Variants in SH3GL2 observed in about 807,000 individuals in gnomAD.
The protein encoded by SH3GL2 is endophilin-A1.
Under a neutral mutation model 46.0 loss-of-function variants are expected in SH3GL2, and 24 were observed. The ratio of observed to expected loss-of-function variants is 0.52; its 90% CI spans 0.38 to 0.73. The LOEUF is 0.73. Among genes scored for constraint, SH3GL2 ranks in the 30% least tolerant of loss-of-function variants. SH3GL2 has a pLI of 0.00. For synonymous variants in SH3GL2, 196 were observed against 147.1 expected, an observed-to-expected ratio of 1.33 and a Z score of -2.40; for missense variants, 413 against 424.2, an observed-to-expected ratio of 0.97 and a Z score of 0.23.
chr9:17,766,942 T>A (rs55946715), intron 3 of SH3GL2, among the ~76,000 whole-genome samples: 41 of 152,216 alleles, frequency 2.7e-4, no homozygotes, highest in African/African-American at 7.7e-4. Flanking sequence ...CTGGATTTTT[T>A]AAAAAAAATT....
intron 3 of SH3GL2, among the ~76,000 whole-genome samples, chr9:17,777,683 A>G (rs1823680857): frequency 6.6e-6 from 1 of 151,970 alleles, no homozygotes; most frequent in Non-Finnish European, 1.5e-5. Context: ...TTCGTGGTGC[A>G]TGTGTGTGGA....
chr9:17,752,409 C>T lies in SH3GL2; in HGVS notation c.114+5275C>T, dbSNP rs1563839628. 3.9e-5 allele frequency among the ~76,000 whole-genome samples: 6 copies of T among 152,202 alleles called. No homozygotes were observed. The South Asian group carries it at 1.2e-3, about 32-fold the overall frequency. ...TGAAAATATTTTAGTTTTTCATATG[C>T]CTTTTTAATATTTCTTTTATGTTAC... On this transcript the variant is annotated intron_variant, in intron 2 of 8. Coordinates refer to ENST00000380607, the MANE Select transcript of SH3GL2 (RefSeq NM_003026.5).
At chr9:17,672,297 A>G (rs1253001295) in intron 1 of SH3GL2, among the ~76,000 whole-genome samples, 1 of 152,184 alleles carries the variant, frequency 6.6e-6, no homozygotes, top group Non-Finnish European at 1.5e-5. Flanking sequence ...AACACACAAT[A>G]TCATATCTGT....
At chr9:17,789,578 A>G in intron 6 of SH3GL2, 28 bp downstream of exon 6, 1 of 1,611,852 alleles carries the variant, frequency 6.2e-7, no homozygotes, top group South Asian at 1.1e-5. Flanking sequence ...TTTTCAATTT[A>G]ATCTTATCAT....
chr9:17,699,245 A>C (rs1216950570), intron 1 of SH3GL2, among the ~76,000 whole-genome samples: 2 of 151,992 alleles, frequency 1.3e-5, no homozygotes, highest in East Asian at 3.9e-4. Context: ...GTATAAAACC[A>C]TGATTGAGTC....
chr9:17,627,118 C>T (rs1199670270), intron 1 of SH3GL2, among the ~76,000 whole-genome samples: 1 of 152,126 alleles, frequency 6.6e-6, no homozygotes, highest in Non-Finnish European at 1.5e-5. Flanking sequence ...TTGGGACTGC[C>T]GGTAAAAACT....
intron 1 of SH3GL2, among the ~76,000 whole-genome samples, chr9:17,693,621 C>G (rs1424571369): frequency 6.6e-6 from 1 of 152,098 alleles, no homozygotes; most frequent in Non-Finnish European, 1.5e-5. Flanking sequence ...CCATTTTATA[C>G]AAGAATCTTT....
At chr9:17,661,182 AAAAC>A (rs763133979) in intron 1 of SH3GL2, among the ~76,000 whole-genome samples, 54 of 152,142 alleles carry the variant, frequency 3.5e-4, no homozygotes, top group Non-Finnish European at 5.9e-5. Context: ...AACAAAAACA[AAAAC>A]AAAATTAATG....
At chr9:17,645,621 T>C (rs1313815500) in intron 1 of SH3GL2, among the ~76,000 whole-genome samples, 1 of 152,174 alleles carries the variant, frequency 6.6e-6, no homozygotes, top group East Asian at 1.9e-4. Flanking sequence ...TATTTCTCCT[T>C]CATTTATGAA....
At chr9:17,731,878 A>G (rs750312036) in intron 1 of SH3GL2, among the ~76,000 whole-genome samples, 1 of 152,104 alleles carries the variant, frequency 6.6e-6, no homozygotes, top group Non-Finnish European at 1.5e-5. Context: ...GGGCTTTTGG[A>G]CATCCTCCTC....
chr9:17,746,597 CT>C (rs1174136624), intron 1 of SH3GL2, among the ~76,000 whole-genome samples: 3 of 152,104 alleles, frequency 2.0e-5, no homozygotes, highest in East Asian at 1.9e-4. Context: ...TGGGCTGAGA[CT>C]TTTTTTCTTT....
At chr9:17,791,927 C>A (rs551669047) in intron 7 of SH3GL2, among the ~76,000 whole-genome samples, 1 of 152,162 alleles carries the variant, frequency 6.6e-6, no homozygotes, top group South Asian at 2.1e-4. Context: ...AGGAAACTAC[C>A]GTGTGAATGT....
At chr9:17,780,484 T>G (rs1823774602) in intron 3 of SH3GL2, among the ~76,000 whole-genome samples, 1 of 126,848 alleles carries the variant, frequency 7.9e-6, no homozygotes, top group Non-Finnish European at 1.8e-5. Flanking sequence ...TTTTTTTAAT[T>G]TTTTTTTTAT....
chr9:17,620,664 G>C (rs537555013), intron 1 of SH3GL2, among the ~76,000 whole-genome samples: 1 of 152,190 alleles, frequency 6.6e-6, no homozygotes, highest in African/African-American at 2.4e-5. Flanking sequence ...GGATTGGAGA[G>C]AAATGGAGGC....
chr9:17,702,297 T>C (rs1821359202), intron 1 of SH3GL2, among the ~76,000 whole-genome samples: 1 of 152,050 alleles, frequency 6.6e-6, no homozygotes, highest in South Asian at 2.1e-4. Flanking sequence ...AATGAAATCA[T>C]AAAAATCACT....
intron 1 of SH3GL2, among the ~76,000 whole-genome samples, chr9:17,640,767 C>G (rs1041991090): frequency 5.3e-5 from 8 of 152,172 alleles, no homozygotes; most frequent in Middle Eastern, 3.2e-3. Flanking sequence ...ATTATTTATT[C>G]ATTTACTTAC....
chr9:17,695,672 A>T (rs1821185949), intron 1 of SH3GL2, among the ~76,000 whole-genome samples: 1 of 152,038 alleles, frequency 6.6e-6, no homozygotes, highest in Non-Finnish European at 1.5e-5. Context: ...TTGGATGGCC[A>T]TTACATAATC....
intron 1 of SH3GL2, among the ~76,000 whole-genome samples, chr9:17,738,543 T>C (rs559060450): frequency 1.4e-5 from 1 of 69,634 alleles, no homozygotes; most frequent in South Asian, 4.6e-4. Flanking sequence ...CATATATACA[T>C]AAGTGTGTGT....
chr9:17,626,320 G>C (rs1057015171), intron 1 of SH3GL2, among the ~76,000 whole-genome samples: 6 of 152,206 alleles, frequency 3.9e-5, no homozygotes, highest in African/African-American at 1.4e-4. Context: ...TGTTGCGGGG[G>C]ACAGGGACCT....
Sources: gnomAD v4.1 joint callset for allele counts (sites outside exome capture counted in the v4.1 genomes callset) on GRCh38, gnomAD v4.1.1 for gene constraint, MANE v1.5 for transcripts, NCBI Gene and HGNC (gene_info 2026-07-23, HGNC 2026-07-21) for gene names.